Variants in CSMD1 observed in about 807,000 individuals in gnomAD.
The protein encoded by CSMD1 is CUB and Sushi multiple domains 1.
CSMD1 carries 213 observed loss-of-function variants against 417.5 expected under a neutral mutation model. The observed-to-expected ratio is 0.51, with a 90% CI of 0.46 to 0.57. CSMD1 has a LOEUF of 0.57. CSMD1 is among the 20% of genes least tolerant of loss of function. CSMD1 has a pLI of 0.00. For missense variants in CSMD1, 6,923 were observed against 4,529.7 expected, an observed-to-expected ratio of 1.53 and a Z score of -15.17; for synonymous variants, 2,862 against 1,736.8, an observed-to-expected ratio of 1.65 and a Z score of -16.11.
At chr8:4,159,311 A>C (rs1340485589) in intron 3 of CSMD1, among the ~76,000 whole-genome samples, 1 of 152,234 alleles carries the variant, frequency 6.6e-6, no homozygotes, top group Non-Finnish European at 1.5e-5. Flanking sequence ...TTTAAAAGCT[A>C]AATTAATGTC....
intron 10 of CSMD1, among the ~76,000 whole-genome samples, chr8:3,569,664 G>C (rs748423895): frequency 6.6e-6 from 1 of 152,110 alleles, no homozygotes; most frequent in Non-Finnish European, 1.5e-5. Flanking sequence ...TGTTCAATAC[G>C]TAATACACTT....
At position 4,841,919 on chromosome 8, in the gene CSMD1, A is replaced by ACAAAACAAAAC. The variant is rs1484042951; in HGVS notation, c.85+152412_85+152413insGTTTTGTTTTG. Among the ~76,000 whole-genome samples, 835 of 141,272 alleles carry ACAAAACAAAAC rather than the reference A, an allele frequency of 5.9e-3. 44 individuals carry two copies. Among genetic ancestry groups the ACAAAACAAAAC allele is most frequent in the African/African-American group, 0.022 (807 of 36,610 alleles). 92.7% of individuals were successfully genotyped at this position (141,272 alleles called of 152,430 possible). A position where few individuals can be genotyped will look rare whatever the true frequency, so the allele number is the denominator to read the frequency against. ...AGAGCAAAACTCCGTCTCAAAAAAA[A>ACAAAACAAAAC]AAAAAAAAAAAAAAAAAAAGTTCAG... On this transcript the variant is annotated intron_variant, in intron 1 of 69. Coordinates refer to ENST00000635120, the MANE Select transcript of CSMD1 (RefSeq NM_033225.6).
At chr8:4,236,035 G>GTTTTTTTTTTTTTTT (rs869046913) in intron 3 of CSMD1, among the ~76,000 whole-genome samples, 7 of 112,654 alleles carry the variant, frequency 6.2e-5, no homozygotes, top group South Asian at 3.3e-4. Context: ...TGTTTTTTTT[G>GTTTTTTTTTTTTTTT]TTTGTTTTTT....
chr8:3,318,266 T>C (rs1805911939), intron 23 of CSMD1, among the ~76,000 whole-genome samples: 1 of 152,200 alleles, frequency 6.6e-6, no homozygotes, highest in Non-Finnish European at 1.5e-5. Context: ...TTTTAATAGG[T>C]GTTAAAATGA....
chr8:3,286,029 A>G (rs1053511708), intron 25 of CSMD1, among the ~76,000 whole-genome samples: 4 of 151,904 alleles, frequency 2.6e-5, no homozygotes, highest in Non-Finnish European at 5.9e-5. Context: ...TCCTGTGTCC[A>G]TGTGTTCTCA....
At chr8:3,086,525 G>C (rs75243387) in intron 49 of CSMD1, among the ~76,000 whole-genome samples, 2,700 of 151,982 alleles carry the variant, frequency 0.018, 43 homozygotes, top group South Asian at 0.036. Flanking sequence ...TATAAACCTT[G>C]ATAAGATAAA....
chr8:3,761,243 A>G (rs979277268), intron 5 of CSMD1, among the ~76,000 whole-genome samples: 9 of 152,124 alleles, frequency 5.9e-5, no homozygotes, highest in African/African-American at 1.9e-4. Context: ...AAGAAGGTCT[A>G]TGTGTGTGTG....
Position 3,784,846 on chromosome 8 carries a change from A to G in CSMD1, c.819-30804T>C, listed in dbSNP as rs952353847. Among the ~76,000 whole-genome samples, 7 of 152,334 alleles carry G rather than the reference A, an allele frequency of 4.6e-5. No individual in the cohort carries two copies. The East Asian group carries it at 1.3e-3, about 29-fold the overall frequency. On this transcript the variant is annotated intron_variant, in intron 5 of 69. Transcript: ENST00000635120. ...TTTCCGCTGATTTTCAACTCATCCA[A>G]TGAAATCATCACAATACTGATGTTA...
At chr8:3,628,626 G>C (rs1796610272) in intron 7 of CSMD1, among the ~76,000 whole-genome samples, 1 of 152,094 alleles carries the variant, frequency 6.6e-6, no homozygotes, top group Non-Finnish European at 1.5e-5. Context: ...GTCTCAGAGG[G>C]AGGCAGCTCC....
chr8:4,424,239 G>C (rs1162282565), intron 2 of CSMD1, among the ~76,000 whole-genome samples: 1 of 151,928 alleles, frequency 6.6e-6, no homozygotes, highest in Admixed American at 6.6e-5. Context: ...ACCGCATTAA[G>C]AGAATAAAAG....
rs1563234618 is a variant in CSMD1, at chr8:4,182,040, GTGT to G, written c.416-149944_416-149942del. Among the ~76,000 whole-genome samples the G allele has an allele frequency of 1.8e-3, 276 of 149,356 alleles. 1 individual carries two copies. Among genetic ancestry groups the G allele is most frequent in the African/African-American group, 6.7e-3 (269 of 40,386 alleles). On this transcript the variant is annotated intron_variant, in intron 3 of 69. Coordinates refer to ENST00000635120, the MANE Select transcript of CSMD1 (RefSeq NM_033225.6). ...CATACACACCCGTGTGTGTGTGTGT[GTGT>G]CGGTGTGTGTGTGTGTGTATACCTA...
At chr8:4,769,645 AG>A (rs1429749699) in intron 1 of CSMD1, among the ~76,000 whole-genome samples, 2 of 152,188 alleles carry the variant, frequency 1.3e-5, no homozygotes, top group African/African-American at 4.8e-5. Flanking sequence ...CTGTTGAAAA[AG>A]AAACGGGAGG....
intron 28 of CSMD1, among the ~76,000 whole-genome samples, chr8:3,222,840 A>G (rs150261520): frequency 2.6e-5 from 4 of 152,314 alleles, no homozygotes; most frequent in African/African-American, 9.6e-5. Flanking sequence ...AATCATAGAA[A>G]CGTAAAATTC....
intron 1 of CSMD1, among the ~76,000 whole-genome samples, chr8:4,850,380 A>ATATATTTTT (rs1403352847): frequency 2.4e-5 from 2 of 82,768 alleles, no homozygotes; most frequent in Admixed American, 2.7e-4. Flanking sequence ...AATCCAATTT[A>ATATATTTTT]TCTTTTTTTT....
chr8:4,913,692 C>T (rs879277490), intron 1 of CSMD1, among the ~76,000 whole-genome samples: 1 of 152,146 alleles, frequency 6.6e-6, no homozygotes, highest in Non-Finnish European at 1.5e-5. Flanking sequence ...TCATGCTTTT[C>T]CTGACTACAA....
At chr8:4,366,192 G>A (rs556101488) in intron 3 of CSMD1, among the ~76,000 whole-genome samples, 1 of 152,020 alleles carries the variant, frequency 6.6e-6, no homozygotes, top group African/African-American at 2.4e-5. Context: ...TTCTGTCTCT[G>A]CATTGCTTCA....
At chr8:4,128,645 C>G (rs3902138) in intron 3 of CSMD1, among the ~76,000 whole-genome samples, 69,306 of 151,876 alleles carry the variant, frequency 0.46, 15,952 homozygotes, top group African/African-American at 0.48. Context: ...CTTTAGCTCT[C>G]CACATGGAAA....
intron 3 of CSMD1, among the ~76,000 whole-genome samples, chr8:4,105,796 T>C (rs1801538815): frequency 6.6e-6 from 1 of 152,214 alleles, no homozygotes; most frequent in Non-Finnish European, 1.5e-5. Flanking sequence ...CGTTGAAAAG[T>C]GTCCTTTCCA....
At chr8:4,824,521 T>A (rs536484854) in intron 1 of CSMD1, among the ~76,000 whole-genome samples, 1 of 152,144 alleles carries the variant, frequency 6.6e-6, no homozygotes, top group Non-Finnish European at 1.5e-5. Flanking sequence ...TTAAAATATT[T>A]TGGGAATACA....
Sources: gnomAD v4.1 joint callset for allele counts (sites outside exome capture counted in the v4.1 genomes callset) on GRCh38, gnomAD v4.1.1 for gene constraint, MANE v1.5 for transcripts, NCBI Gene and HGNC (gene_info 2026-07-23, HGNC 2026-07-21) for gene names.